Variants in CPPED1 observed in about 807,000 individuals in gnomAD.
CPPED1 encodes calcineurin like phosphoesterase domain containing 1.
Under a neutral mutation model 28.0 loss-of-function variants are expected in CPPED1, and 28 were observed. That is an observed-to-expected ratio of 1.00 (90% CI 0.74 to 1.37). The LOEUF (loss-of-function observed/expected upper bound fraction) is 1.37, where lower values mean the gene tolerates loss of function less well. CPPED1 is among the 40% of genes most tolerant of loss of function. The pLI is 0.00. For synonymous variants in CPPED1, 198 were observed against 180.2 expected (o/e 1.10, Z -0.79); for missense variants, 504 against 416.5 (o/e 1.21, Z -1.83).
intron 2 of CPPED1, among the ~76,000 whole-genome samples, chr16:12,770,963 AG>A (rs2080467112): frequency 6.6e-6 from 1 of 152,132 alleles, no homozygotes; most frequent in Non-Finnish European, 1.5e-5. Context: ...AGTGACCCCG[AG>A]GGAAGCACTT....
At chr16:12,685,107 C>T (rs575081306) in intron 3 of CPPED1, among the ~76,000 whole-genome samples, 7 of 152,168 alleles carry the variant, frequency 4.6e-5, no homozygotes, top group South Asian at 2.1e-4. Flanking sequence ...AAATGACAAG[C>T]GACTGCACCT....
At chr16:12,699,339 C>T (rs551137114) in intron 3 of CPPED1, among the ~76,000 whole-genome samples, 17 of 152,170 alleles carry the variant, frequency 1.1e-4, no homozygotes, top group African/African-American at 3.4e-4. Flanking sequence ...CATACAAAGA[C>T]GGTTTTTCAC....
intron 2 of CPPED1, among the ~76,000 whole-genome samples, chr16:12,762,966 C>T (rs866395760): frequency 2.7e-4 from 41 of 152,108 alleles, no homozygotes; most frequent in East Asian, 2.1e-3. Context: ...CGGTGGCTCA[C>T]GCCTGTAATC....
At chr16:12,755,328 C>A (rs1442212279) in intron 2 of CPPED1, among the ~76,000 whole-genome samples, 6 of 145,856 alleles carry the variant, frequency 4.1e-5, no homozygotes, top group African/African-American at 1.5e-4. Context: ...GTTGCCCAGG[C>A]TGCAGTTCAG....
In CPPED1 at chr16:12,661,484, TC is replaced by T. The variant is rs1489695310; in HGVS notation, c.*3401del. 2.6e-5 allele frequency: 4 copies of T among 152,216 alleles called. No homozygotes were observed. The highest frequency in any genetic ancestry group is 4.4e-5 in the Non-Finnish European group (3 of 68,028). 9.4% of individuals were successfully genotyped at this position (152,216 alleles called of 1,614,324 possible). ...TTATTGTAAAAAGTAAATGATCATC[TC>T]CCCAGCCCCATTCCCAAAGTCACTT... On this transcript the variant is annotated 3_prime_UTR_variant, in exon 4 of 4. Coordinates refer to ENST00000381774, the MANE Select transcript of CPPED1 (RefSeq NM_018340.3).
chr16:12,772,707 C>T (rs747996246), intron 2 of CPPED1, among the ~76,000 whole-genome samples: 5 of 152,184 alleles, frequency 3.3e-5, no homozygotes, highest in Admixed American at 6.5e-5. Flanking sequence ...GACATTAAAT[C>T]AGAAAAGCCT....
intron 2 of CPPED1, among the ~76,000 whole-genome samples, chr16:12,734,932 T>C (rs1370607309): frequency 6.6e-6 from 1 of 152,064 alleles, no homozygotes; most frequent in Non-Finnish European, 1.5e-5. Context: ...TCCCCAGCTC[T>C]CCCATGCCCA....
rs143327763 is a variant in CPPED1, at chr16:12,709,526, A to G, written c.290-4477T>C. Among the ~76,000 whole-genome samples, 9 of 152,348 alleles carry G rather than the reference A, an allele frequency of 5.9e-5. No homozygotes were observed. Among genetic ancestry groups the G allele is most frequent in the African/African-American group, 1.9e-4 (8 of 41,592 alleles). ...AAAATAAAACTAGGAGGTAAAAAGC[A>G]TGATAACGATAATTACAAAATTCTT... On this transcript the variant is annotated intron_variant, in intron 2 of 3. Coordinates refer to ENST00000381774, the MANE Select transcript of CPPED1 (RefSeq NM_018340.3). The surrounding 1 kb of genome is among the most constrained non-coding windows in gnomAD (Gnocchi z 4.4).
chr16:12,801,502 G>C (rs901992664), intron 1 of CPPED1, among the ~76,000 whole-genome samples: 16 of 151,852 alleles, frequency 1.1e-4, no homozygotes, highest in Admixed American at 9.2e-4. Flanking sequence ...ATATACTGCT[G>C]GTGGGAGTAT....
chr16:12,734,363 C>T (rs1257652823), intron 2 of CPPED1, among the ~76,000 whole-genome samples: 4 of 151,336 alleles, frequency 2.6e-5, no homozygotes, highest in African/African-American at 9.7e-5. Context: ...AGTCACTGCA[C>T]CTGGCCACAC....
chr16:12,788,027 C>T (rs753101156), intron 1 of CPPED1, among the ~76,000 whole-genome samples: 1 of 152,192 alleles, frequency 6.6e-6, no homozygotes, highest in African/African-American at 2.4e-5. Context: ...TTCAGTTCCT[C>T]ACTGGCTGCT....
intron 3 of CPPED1, among the ~76,000 whole-genome samples, chr16:12,674,181 T>A (rs565795143): frequency 3.5e-4 from 54 of 152,274 alleles, no homozygotes; most frequent in African/African-American, 1.2e-3. Flanking sequence ...TCTGAGGTCC[T>A]GCATGAAAAA....
intron 3 of CPPED1, among the ~76,000 whole-genome samples, chr16:12,677,365 G>A (rs751754496): frequency 1.3e-5 from 2 of 152,208 alleles, no homozygotes; most frequent in African/African-American, 2.4e-5. Context: ...TTGGCTGGGC[G>A]CGGTGGCTTA....
At chr16:12,683,937 G>A (rs9922836) in intron 3 of CPPED1, among the ~76,000 whole-genome samples, 3,656 of 152,264 alleles carry the variant, frequency 0.024, 58 homozygotes, top group South Asian at 0.043. Flanking sequence ...GCCTTCCTCA[G>A]TTTGTAGCTT....
chr16:12,734,067 T>G (rs909985955), intron 2 of CPPED1, among the ~76,000 whole-genome samples: 8 of 119,088 alleles, frequency 6.7e-5, no homozygotes, highest in African/African-American at 2.2e-4. Context: ...CGTTTTTTTT[T>G]TTTTTTTTTT....
chr16:12,727,940 T>C (rs1172667668), intron 2 of CPPED1, among the ~76,000 whole-genome samples: 3 of 152,206 alleles, frequency 2.0e-5, no homozygotes, highest in Non-Finnish European at 2.9e-5. Flanking sequence ...AATGCAACTA[T>C]GTTTTGTCAT....
At chr16:12,751,118 T>G (rs944286683) in intron 2 of CPPED1, among the ~76,000 whole-genome samples, 2 of 152,040 alleles carry the variant, frequency 1.3e-5, no homozygotes, top group Non-Finnish European at 2.9e-5. Context: ...AAGGTATGCC[T>G]GTAATAAAAA....
intron 2 of CPPED1, among the ~76,000 whole-genome samples, chr16:12,754,413 C>T (rs913515213): frequency 1.5e-5 from 2 of 137,766 alleles, no homozygotes; most frequent in Non-Finnish European, 3.1e-5. Flanking sequence ...ATGAGACGGG[C>T]CCCCCATGCT....
chr16:12,772,230 G>C (rs995827909), intron 2 of CPPED1, among the ~76,000 whole-genome samples: 3 of 152,188 alleles, frequency 2.0e-5, no homozygotes, highest in African/African-American at 7.2e-5. Context: ...TCTAGGCCTT[G>C]ACATCTAATT....
Sources: gnomAD v4.1 joint callset for allele counts (sites outside exome capture counted in the v4.1 genomes callset) on GRCh38, gnomAD v4.1.1 for gene constraint, Gnocchi (gnomAD v3.1) non-coding constraint, MANE v1.5 for transcripts, NCBI Gene and HGNC (gene_info 2026-07-23, HGNC 2026-07-21) for gene names.